The following PRDM10 variants were observed in gnomAD, a reference collection of about 807,000 sequenced individuals.
The protein encoded by PRDM10 is PR domain zinc finger protein 10.
Under a neutral mutation model 133.1 loss-of-function variants are expected in PRDM10, and 65 were observed. That is an observed-to-expected ratio of 0.49 (90% CI 0.40 to 0.60). The LOEUF (loss-of-function observed/expected upper bound fraction) is 0.60. PRDM10 is among the 20% of genes least tolerant of loss of function. The pLI, the probability that PRDM10 is intolerant of heterozygous loss-of-function variation, is 0.00. For missense variants in PRDM10, 1,137 were observed against 1,507.1 expected (o/e 0.75, Z 4.07); for synonymous variants, 582 against 580.4 (o/e 1.00, Z -0.04).
chr11:129,914,766 G>A lies in PRDM10; in HGVS notation c.2779C>T (p.Gln927Ter). ...YQRIQYIPVSQSASGLQQPQH... is the reference protein window; with the variant it reads ...YQRIQYIPVS Reference sequence around the variant, plus strand: ...GGCTGCTGGAGGCCAGACGCCGACTGCGACACAGGGATGTACTGAATTCTC... The same window carrying A: ...GGCTGCTGGAGGCCAGACGCCGACTACGACACAGGGATGTACTGAATTCTC... Residue 927 changes from glutamine to a stop codon, truncating the protein, a stop_gained, in exon 17 of 21, where the codon CAG becomes TAG. Coordinates refer to ENST00000360871, the MANE Select transcript of PRDM10 (RefSeq NM_199437.2). LOFTEE classifies it high-confidence loss of function. 6.2e-7 allele frequency: 1 copy of A among 1,614,254 alleles called. No individual in the cohort carries two copies. The highest frequency in any genetic ancestry group is 8.5e-7 in the Non-Finnish European group (1 of 1,180,048).
chr11:129,958,845 AGGGT>A (rs2135919184), intron 2 of PRDM10, among the ~76,000 whole-genome samples: 1 of 152,340 alleles, frequency 6.6e-6, no homozygotes, highest in South Asian at 2.1e-4. Flanking sequence ...AGCTGTCACC[AGGGT>A]AAATAATTTT....
intron 1 of PRDM10, among the ~76,000 whole-genome samples, chr11:129,989,302 T>C (rs1938603804): frequency 6.6e-6 from 1 of 151,760 alleles, no homozygotes; most frequent in South Asian, 2.1e-4. Context: ...AGACCCTGCC[T>C]CTGGGAGGGA....
intron 1 of PRDM10, among the ~76,000 whole-genome samples, chr11:129,999,192 G>A (rs1939214327): frequency 6.6e-6 from 1 of 152,128 alleles, no homozygotes; most frequent in South Asian, 2.1e-4. Flanking sequence ...ACTAAACCAC[G>A]TGAACAGTTT....
chr11:129,976,069 G>A (rs1162533233), intron 1 of PRDM10, among the ~76,000 whole-genome samples: 4 of 152,138 alleles, frequency 2.6e-5, no homozygotes, highest in Non-Finnish European at 2.9e-5. Flanking sequence ...TGACATGGAA[G>A]GTCCTGTCCA....
chr11:129,947,805 T>A lies in PRDM10; in HGVS notation c.295-435A>T, dbSNP rs548504074. 8.5e-5 allele frequency among the ~76,000 whole-genome samples: 13 copies of A among 152,138 alleles called. No individual in the cohort carries two copies. Among genetic ancestry groups the A allele is most frequent in the Non-Finnish European group, 1.8e-4 (12 of 68,036 alleles). On this transcript the variant is annotated intron_variant, in intron 4 of 20. Transcript: ENST00000360871. This position sits in a 1 kb window ranked among gnomAD's most constrained non-coding sequence, Gnocchi z 4.6. Reference sequence around the variant, plus strand: ...CCTGTCTCCCAAGACTTCAAATAGGTAAGCAACAGACCGTTTCGATGTGTG... The same window carrying A: ...CCTGTCTCCCAAGACTTCAAATAGGAAAGCAACAGACCGTTTCGATGTGTG...
intron 12 of PRDM10, among the ~76,000 whole-genome samples, chr11:129,924,594 T>C (rs1235050320): frequency 6.6e-6 from 1 of 152,208 alleles, no homozygotes; most frequent in East Asian, 1.9e-4. Flanking sequence ...TTATAAGCAA[T>C]AGACATTGAC....
intron 1 of PRDM10, among the ~76,000 whole-genome samples, chr11:129,976,467 C>T (rs1043105498): frequency 6.6e-6 from 1 of 152,188 alleles, no homozygotes; most frequent in African/African-American, 2.4e-5. Context: ...AGCTAACATT[C>T]ATCAGTTCAG....
At position 129,945,148 on chromosome 11, in the gene PRDM10, A is replaced by T; in HGVS notation, c.521-136T>A. The T allele has an allele frequency of 3.9e-6, 4 of 1,032,818 alleles. No homozygotes were observed. The highest frequency in any genetic ancestry group is 5.7e-6 in the Non-Finnish European group (4 of 699,370). 64.0% of individuals were successfully genotyped at this position (1,032,818 alleles called of 1,614,324 possible). ...CAATGAACTCCTAATGGCGCTACCC[A>T]TTCAACGGTAATACATTCTCTCTGG... On this transcript the variant is annotated intron_variant, in intron 5 of 20. Coordinates refer to ENST00000360871, the MANE Select transcript of PRDM10 (RefSeq NM_199437.2). This position sits in a 1 kb window ranked among gnomAD's most constrained non-coding sequence, Gnocchi z 4.2.
chr11:130,001,767 T>C (rs1455433141), intron 1 of PRDM10, among the ~76,000 whole-genome samples: 2 of 152,158 alleles, frequency 1.3e-5, no homozygotes, highest in South Asian at 4.1e-4. Context: ...GGCGAGGGGC[T>C]GGAGAGGTGC....
At chr11:129,931,669 C>G (rs1056539894) in intron 10 of PRDM10, among the ~76,000 whole-genome samples, 2 of 151,848 alleles carry the variant, frequency 1.3e-5, no homozygotes, top group African/African-American at 4.8e-5. Flanking sequence ...CCGGTTCACG[C>G]CATTCTCCTG....
intron 4 of PRDM10, among the ~76,000 whole-genome samples, chr11:129,951,733 G>A (rs1279627892): frequency 6.6e-6 from 1 of 152,006 alleles, no homozygotes; most frequent in African/African-American, 2.4e-5. Flanking sequence ...CAATTATCAG[G>A]GCAGCATATT....
At chr11:129,919,966 C>T (rs1035947393) in intron 13 of PRDM10, among the ~76,000 whole-genome samples, 9 of 152,282 alleles carry the variant, frequency 5.9e-5, no homozygotes, top group Admixed American at 3.3e-4. Context: ...GAATGTTCAG[C>T]GCTTTGTAGG....
In PRDM10 at chr11:129,944,458, G is replaced by A. The variant is rs573203698; in HGVS notation, c.762+313C>T. Among the ~76,000 whole-genome samples the A allele has an allele frequency of 2.0e-4, 31 of 151,810 alleles. No homozygotes were observed. The East Asian group carries it at 5.3e-3, about 26-fold the overall frequency. ...AAATTAGCCGGGCGTGGTGGCGGGC[G>A]CCTGTAGTCCCAGCTACTCGGGAGG... On this transcript the variant is annotated intron_variant, in intron 6 of 20. Coordinates refer to ENST00000360871, the MANE Select transcript of PRDM10 (RefSeq NM_199437.2).
chr11:129,904,472 C>A (rs1949949260), intron 20 of PRDM10, among the ~76,000 whole-genome samples: 1 of 152,144 alleles, frequency 6.6e-6, no homozygotes, highest in Admixed American at 6.5e-5. Flanking sequence ...CACAAGATCT[C>A]CAGAACTTAT....
At chr11:129,972,279 G>A (rs12282986) in intron 1 of PRDM10, among the ~76,000 whole-genome samples, 17,962 of 152,272 alleles carry the variant, frequency 0.12, 1,853 homozygotes, top group African/African-American at 0.26. Flanking sequence ...ACAGTGCAGC[G>A]GTGGGCTGAA....
chr11:129,972,090 C>T (rs1429765252), intron 1 of PRDM10, among the ~76,000 whole-genome samples: 2 of 152,242 alleles, frequency 1.3e-5, no homozygotes, highest in African/African-American at 2.4e-5. Context: ...CTGCCCGGGG[C>T]GGCAAGGCCG....
chr11:130,000,020 GT>G (rs371085945), intron 1 of PRDM10, among the ~76,000 whole-genome samples: 2 of 146,026 alleles, frequency 1.4e-5, no homozygotes, highest in African/African-American at 2.5e-5. Context: ...TATGGGTTTT[GT>G]TTTTTTTCAC....
chr11:129,965,969 C>T (rs575409625), intron 1 of PRDM10, among the ~76,000 whole-genome samples: 1 of 152,254 alleles, frequency 6.6e-6, no homozygotes, highest in South Asian at 2.1e-4. Context: ...ACCAGCCGGG[C>T]ACAGTGGCTC....
In PRDM10 at chr11:129,918,640, G is replaced by C. The variant is rs755825864; in HGVS notation, c.2113C>G (p.Arg705Gly). The C allele has an allele frequency of 6.2e-7, 1 of 1,614,144 alleles. No individual in the cohort carries two copies. The stretch of plus-strand genomic sequence containing the variant: ...ATGCGGGGCTTGAACGTCTTGGAGC[G>C]GCTGATGCGGTCGGCTTTCTTGGCC... Reference protein sequence around the residue: ...REAKKADRISRSKTFKPRITS... With the variant: ...REAKKADRISGSKTFKPRITS... Residue 705 changes from arginine (R) to glycine (G), a missense_variant, in exon 14 of 21, where the codon CGC becomes GGC. Transcript: ENST00000360871. This position sits in a 1 kb window ranked among gnomAD's most constrained non-coding sequence, Gnocchi z 5.3.
Sources: gnomAD v4.1 joint callset for allele counts (sites outside exome capture counted in the v4.1 genomes callset) on GRCh38, gnomAD v4.1.1 for gene constraint, Gnocchi (gnomAD v3.1) non-coding constraint, MANE v1.5 for transcripts, NCBI Gene and HGNC (gene_info 2026-07-23, HGNC 2026-07-21) for gene names.